LHPP: variants seen among roughly 807,000 people sequenced by gnomAD.
The protein encoded by LHPP is phospholysine phosphohistidine inorganic pyrophosphate phosphatase, also known as hLHPP.
A neutral mutation model predicts 30.3 loss-of-function variants in LHPP; 24 were observed. The ratio of observed to expected loss-of-function variants is 0.79; its 90% CI spans 0.57 to 1.11. The LOEUF (loss-of-function observed/expected upper bound fraction) is 1.11. Ranked by LOEUF, LHPP falls within the 50% of genes most tolerant of loss-of-function variation. LHPP has a pLI of 0.00. For missense variants in LHPP, 356 were observed against 367.2 expected (o/e 0.97, Z 0.25); for synonymous variants, 150 against 157.1 (o/e 0.95, Z 0.34).
Position 124,471,455 on chromosome 10 carries a change from T to TA in LHPP, c.125+9468_125+9469insA, listed in dbSNP as rs1299204604. Among the ~76,000 whole-genome samples the TA allele has an allele frequency of 3.8e-3, 7 of 1,862 alleles. 2 individuals carry two copies. The highest frequency in any genetic ancestry group is 0.043 in the Admixed American group (2 of 46). The allele number at this position is 1,862 out of a possible 152,430, so 1.2% of individuals were successfully genotyped here. ...TTATATATTATATATATTTATATAT[T>TA]TATATATATTTATATATTATATATA... On this transcript the variant is annotated intron_variant, in intron 1 of 6. Transcript: ENST00000368842.
At chr10:124,555,718 T>C (rs1295417224) in intron 6 of LHPP, among the ~76,000 whole-genome samples, 1 of 152,254 alleles carries the variant, frequency 6.6e-6, no homozygotes. Context: ...TAAGGTACTT[T>C]GTCTATCTTG....
chr10:124,591,518 C>T (rs1181565690), intron 6 of LHPP, among the ~76,000 whole-genome samples: 1 of 152,132 alleles, frequency 6.6e-6, no homozygotes, highest in African/African-American at 2.4e-5. Flanking sequence ...AGGTTTAGGA[C>T]AAAGTCATTG....
At chr10:124,491,961 CTG>C (rs940466995) in intron 3 of LHPP, among the ~76,000 whole-genome samples, 54 of 152,156 alleles carry the variant, frequency 3.5e-4, no homozygotes, top group African/African-American at 1.3e-3. Context: ...ATTTTTGAGG[CTG>C]TGTTTAAAAA....
intron 1 of LHPP, among the ~76,000 whole-genome samples, chr10:124,464,736 A>C (rs1424260112): frequency 6.6e-6 from 1 of 152,176 alleles, no homozygotes; most frequent in African/African-American, 2.4e-5. Flanking sequence ...GCCAGAGCTC[A>C]ATGCTGTGAC....
At chr10:124,487,219 A>T (rs1430990028) in intron 2 of LHPP, among the ~76,000 whole-genome samples, 1 of 152,194 alleles carries the variant, frequency 6.6e-6, no homozygotes, top group Admixed American at 6.5e-5. Flanking sequence ...TTTTGGGTAA[A>T]TACCTAGCAG....
intron 5 of LHPP, among the ~76,000 whole-genome samples, chr10:124,504,733 C>T (rs1954011468): frequency 6.6e-6 from 1 of 152,088 alleles, no homozygotes; most frequent in Non-Finnish European, 1.5e-5. Flanking sequence ...GATGGTCTGA[C>T]CTTGGGTGGT....
chr10:124,571,014 AG>A (rs1948577600), intron 6 of LHPP, among the ~76,000 whole-genome samples: 1 of 152,224 alleles, frequency 6.6e-6, no homozygotes, highest in Non-Finnish European at 1.5e-5. Context: ...ATAGTGAATT[AG>A]TCTCACAAGA....
chr10:124,500,420 C>T (rs562592481), intron 5 of LHPP, among the ~76,000 whole-genome samples: 20 of 151,858 alleles, frequency 1.3e-4, no homozygotes, highest in Middle Eastern at 3.4e-3. Flanking sequence ...TGCAGTGAGC[C>T]GAAATTGTGC....
intron 6 of LHPP, among the ~76,000 whole-genome samples, chr10:124,549,846 C>T (rs1334533239): frequency 2.6e-5 from 4 of 152,240 alleles, no homozygotes; most frequent in Non-Finnish European, 4.4e-5. Context: ...AAATGACCAC[C>T]TTTCTGAGCC....
chr10:124,580,463 A>AT (rs1948728499), intron 6 of LHPP, among the ~76,000 whole-genome samples: 2 of 152,102 alleles, frequency 1.3e-5, no homozygotes, highest in South Asian at 4.1e-4. Flanking sequence ...TAGGGATTTG[A>AT]TTTTATTTTC....
intron 6 of LHPP, among the ~76,000 whole-genome samples, chr10:124,571,022 A>G (rs1198726777): frequency 6.6e-6 from 1 of 152,214 alleles, no homozygotes; most frequent in Non-Finnish European, 1.5e-5. Flanking sequence ...TTAGTCTCAC[A>G]AGATCAGATG....
chr10:124,608,010 C>G (rs893748536), intron 6 of LHPP, among the ~76,000 whole-genome samples: 1 of 152,162 alleles, frequency 6.6e-6, no homozygotes, highest in African/African-American at 2.4e-5. Context: ...GAGGTGAGAC[C>G]AGGGAATAGA....
At chr10:124,522,478 G>T (rs954126735) in intron 6 of LHPP, among the ~76,000 whole-genome samples, 2 of 152,204 alleles carry the variant, frequency 1.3e-5, no homozygotes, top group Non-Finnish European at 2.9e-5. Flanking sequence ...CTGCTGCCCT[G>T]CCGTGAGAGG....
chr10:124,472,606 T>G (rs1952818091), intron 1 of LHPP, among the ~76,000 whole-genome samples: 1 of 151,870 alleles, frequency 6.6e-6, no homozygotes. Flanking sequence ...TCACCCAGGC[T>G]GGAGTGCAGT....
intron 1 of LHPP, among the ~76,000 whole-genome samples, chr10:124,465,782 C>T (rs930641782): frequency 2.0e-5 from 3 of 152,186 alleles, no homozygotes; most frequent in African/African-American, 4.8e-5. Flanking sequence ...AGGCTGGTCC[C>T]GAACTCCTGG....
intron 1 of LHPP, among the ~76,000 whole-genome samples, chr10:124,471,729 A>ATT (rs1952781816): frequency 2.5e-5 from 3 of 122,352 alleles, no homozygotes; most frequent in Admixed American, 1.0e-4. Flanking sequence ...ATTTATGTAT[A>ATT]TATATATTTG....
At chr10:124,506,662 A>G (rs1417000363) in intron 5 of LHPP, among the ~76,000 whole-genome samples, 1 of 115,140 alleles carries the variant, frequency 8.7e-6, no homozygotes, top group East Asian at 3.2e-4. Context: ...GGTAGGGAGG[A>G]TTTCAGGTTG....
In LHPP at chr10:124,484,264, C is replaced by T. The variant is rs1243027191; in HGVS notation, c.251C>T (p.Ala84Val). Residue 84 changes from alanine to valine, a missense_variant, in exon 2 of 7, where the codon GCA (alanine) becomes GTA (valine). Coordinates refer to ENST00000368842, the MANE Select transcript of LHPP (RefSeq NM_022126.4). ...DISEQEVTAP[A>V]PAACQILKEQ... ...TCTGAGCAGGAGGTGACCGCCCCGGCACCAGCTGCCTGCCAGATCCTGAAG... is the reference window on the plus strand; with the variant it reads ...TCTGAGCAGGAGGTGACCGCCCCGGTACCAGCTGCCTGCCAGATCCTGAAG... The T allele has an allele frequency of 1.9e-6, 3 of 1,613,910 alleles. No homozygotes were observed. Among genetic ancestry groups the T allele is most frequent in the Admixed American group, 3.3e-5 (2 of 59,996 alleles).
At chr10:124,579,848 T>A (rs1464823301) in intron 6 of LHPP, among the ~76,000 whole-genome samples, 1 of 151,934 alleles carries the variant, frequency 6.6e-6, no homozygotes, top group Non-Finnish European at 1.5e-5. Flanking sequence ...TATACGCTGT[T>A]GATGACTCCA....
Sources: allele counts gnomAD v4.1 joint callset (sites outside exome capture counted in the v4.1 genomes callset), GRCh38; gene constraint gnomAD v4.1.1; transcripts MANE v1.5; gene names NCBI Gene and HGNC (gene_info 2026-07-23, HGNC 2026-07-21).